CDC42BPB: variants seen among roughly 807,000 people sequenced by gnomAD.
The protein encoded by CDC42BPB is serine/threonine-protein kinase MRCK beta.
CDC42BPB carries 37 observed loss-of-function variants against 214.9 expected under a neutral mutation model. The observed-to-expected ratio is 0.17, with a 90% confidence interval of 0.13 to 0.23. The LOEUF (loss-of-function observed/expected upper bound fraction) is 0.23. Ranked by LOEUF, CDC42BPB falls within the 10% of genes least tolerant of loss-of-function variation. The pLI, the probability that CDC42BPB is intolerant of heterozygous loss-of-function variation, is 1.00. For synonymous variants in CDC42BPB, 931 were observed against 884.0 expected (o/e 1.05, Z -0.94); for missense variants, 1,694 against 2,227.0 (o/e 0.76, Z 4.82).
At position 103,057,180 on chromosome 14, in the gene CDC42BPB, G is replaced by T; in HGVS notation, c.-7C>A. The T allele has an allele frequency of 1.4e-6, 2 of 1,408,312 alleles. No individual in the cohort carries two copies. The highest frequency in any genetic ancestry group is 3.0e-5 in the African/African-American group (2 of 67,254). The allele number at this position is 1,408,312 out of a possible 1,614,324, so 87.2% of individuals were successfully genotyped here. ...GCCGCACCTTGGCCGACATGGTGCCGCGCGGCCCGCTCCCGACGCGCCGGC... is the reference window on the plus strand; with the variant it reads ...GCCGCACCTTGGCCGACATGGTGCCTCGCGGCCCGCTCCCGACGCGCCGGC... On this transcript the variant is annotated 5_prime_UTR_variant, in exon 1 of 37. Transcript: ENST00000361246.
intron 1 of CDC42BPB, among the ~76,000 whole-genome samples, chr14:103,029,189 T>C (rs1467590142): frequency 1.3e-5 from 2 of 152,236 alleles, no homozygotes; most frequent in African/African-American, 4.8e-5. Flanking sequence ...TAAGTATGTC[T>C]CTGGAAGAAA....
At chr14:102,953,769 G>C (rs982454564) in intron 23 of CDC42BPB, among the ~76,000 whole-genome samples, 3 of 152,210 alleles carry the variant, frequency 2.0e-5, no homozygotes, top group Non-Finnish European at 4.4e-5. Flanking sequence ...GCTCAGAACC[G>C]CACATGCACT....
rs1232175824 is a variant in CDC42BPB at position 103,025,588 on chromosome 14, C to T, written c.176-13400G>A. Reference sequence around the variant, plus strand: ...ATCCCAGCACTTTGGGAAGCCGAGGCGGGTGGATCACCTGAGGTCAGACGT... The same window carrying T: ...ATCCCAGCACTTTGGGAAGCCGAGGTGGGTGGATCACCTGAGGTCAGACGT... On this transcript the variant is annotated intron_variant, in intron 1 of 36. Coordinates refer to ENST00000361246, the MANE Select transcript of CDC42BPB (RefSeq NM_006035.4). Among the ~76,000 whole-genome samples, 7 of 151,202 alleles carry T rather than the reference C, an allele frequency of 4.6e-5. No individual in the cohort carries two copies. In the South Asian group the frequency reaches 6.3e-4, roughly 14 times the overall value.
At chr14:102,984,197 C>T (rs1894132556) in intron 6 of CDC42BPB, among the ~76,000 whole-genome samples, 1 of 152,190 alleles carries the variant, frequency 6.6e-6, no homozygotes, top group African/African-American at 2.4e-5. Context: ...CTCTCCAATC[C>T]CCCAGGGTTG....
chr14:102,959,654 G>A lies in CDC42BPB; in HGVS notation c.2878C>T (p.Leu960Phe), dbSNP rs1040234745. Reference sequence around the variant, plus strand: ...ACTCTAAATGTCAGGTCATGTGCAAGAGGAGCAGTGTTGAAATACTCAAAA... The same window carrying A: ...ACTCTAAATGTCAGGTCATGTGCAAAAGGAGCAGTGTTGAAATACTCAAAA... ...SIFEYFNTAPLAHDLTFRTSS... is the reference protein window; with the variant it reads ...SIFEYFNTAPFAHDLTFRTSS... The change falls in exon 21 of 37, where the codon CTT becomes TTT. Residue 960 changes from leucine to phenylalanine, a missense_variant. This residue lies in a region of CDC42BPB where 156 missense variants were observed against 154.5 expected (regional missense o/e 1.01). Coordinates refer to ENST00000361246, the MANE Select transcript of CDC42BPB (RefSeq NM_006035.4). The A allele has an allele frequency of 1.9e-6, 3 of 1,608,726 alleles. No individual in the cohort carries two copies. The Admixed American group carries it at 5.0e-5, about 27-fold the overall frequency.
chr14:102,995,109 C>G (rs770432501), intron 5 of CDC42BPB, among the ~76,000 whole-genome samples: 1 of 151,760 alleles, frequency 6.6e-6, no homozygotes, highest in African/African-American at 2.4e-5. Context: ...AATTTGTACT[C>G]TGTTCTTATT....
chr14:103,017,895 A>G (rs1165370614), intron 1 of CDC42BPB, among the ~76,000 whole-genome samples: 2 of 152,234 alleles, frequency 1.3e-5, no homozygotes, highest in South Asian at 4.1e-4. Context: ...TGTGTTGGTT[A>G]CACCGTGGTT....
chr14:103,017,151 A>C (rs892596700), intron 1 of CDC42BPB, among the ~76,000 whole-genome samples: 1 of 152,176 alleles, frequency 6.6e-6, no homozygotes, highest in Non-Finnish European at 1.5e-5. Flanking sequence ...ACAAGACTCT[A>C]TCTCTACAAA....
Position 102,972,002 on chromosome 14 carries a change from T to C in CDC42BPB, c.1801A>G (p.Lys601Glu), listed in dbSNP as rs894014625. ...GTGGCCACCTCCATCTCCTCCTCCTTGTCTCGCAGCTGCCGGGACACCTTC... is the reference window on the plus strand; with the variant it reads ...GTGGCCACCTCCATCTCCTCCTCCTCGTCTCGCAGCTGCCGGGACACCTTC... ...KQKVSRQLRD[K>E]EEEMEVATQK... The change falls in exon 13 of 37, where the codon AAG becomes GAG. Residue 601 changes from lysine (K) to glutamate (E), a missense_variant. Coordinates refer to ENST00000361246, the MANE Select transcript of CDC42BPB (RefSeq NM_006035.4). 3.7e-6 allele frequency: 6 copies of C among 1,614,034 alleles called. No individual in the cohort carries two copies. Among genetic ancestry groups the C allele is most frequent in the South Asian group, 1.1e-5 (1 of 91,090 alleles).
chr14:103,054,580 C>T (rs1307467711), intron 1 of CDC42BPB, among the ~76,000 whole-genome samples: 2 of 152,202 alleles, frequency 1.3e-5, no homozygotes, highest in East Asian at 3.8e-4. Flanking sequence ...ACTAACTGCA[C>T]ACATGTTAAC....
Position 102,941,219 on chromosome 14 carries a change from C to T in CDC42BPB, c.4409-895G>A, listed in dbSNP as rs937035597. 4.7e-5 allele frequency: 46 copies of T among 985,444 alleles called. 1 individual carries two copies. The African/African-American group carries it at 5.2e-4, about 11-fold the overall frequency. The allele number at this position is 985,444 out of a possible 1,614,324, so 61.0% of individuals were successfully genotyped here. ...CTTGCAGAAACGCAGAGCTGGGAGGCGGCAAGCCCCAAATGCAAGAGAGCT... is the reference window on the plus strand; with the variant it reads ...CTTGCAGAAACGCAGAGCTGGGAGGTGGCAAGCCCCAAATGCAAGAGAGCT... On this transcript the variant is annotated intron_variant, in intron 30 of 36. Transcript: ENST00000361246.
chr14:103,051,019 CAA>C (rs1045548081), intron 1 of CDC42BPB, among the ~76,000 whole-genome samples: 2 of 151,918 alleles, frequency 1.3e-5, no homozygotes, highest in African/African-American at 4.8e-5. Flanking sequence ...CAGTTTTAAT[CAA>C]AAAACAATTT....
At chr14:102,955,016 C>A (rs964815098) in intron 21 of CDC42BPB, among the ~76,000 whole-genome samples, 2 of 152,204 alleles carry the variant, frequency 1.3e-5, no homozygotes, top group Non-Finnish European at 2.9e-5. Flanking sequence ...TGAGCATACC[C>A]GCCCCCTCCT....
intron 21 of CDC42BPB, among the ~76,000 whole-genome samples, chr14:102,955,945 A>T (rs1455701712): frequency 6.6e-6 from 1 of 152,256 alleles, no homozygotes; most frequent in Non-Finnish European, 1.5e-5. Context: ...CACATAAAAC[A>T]CACACACAAC....
At chr14:102,999,047 A>G (rs9671378) in intron 5 of CDC42BPB, among the ~76,000 whole-genome samples, 2 of 1,674 alleles carry the variant, frequency 1.2e-3, no homozygotes, top group East Asian at 0.031. Flanking sequence ...AGGGAGCACA[A>G]GCATTTTAGG....
At chr14:102,973,359 G>C (rs1229004487) in intron 12 of CDC42BPB, among the ~76,000 whole-genome samples, 2 of 152,232 alleles carry the variant, frequency 1.3e-5, no homozygotes, top group African/African-American at 4.8e-5. Flanking sequence ...ATGTATCAAT[G>C]AATGTATTTT....
At chr14:102,959,793 T>A (rs1192875415) in intron 20 of CDC42BPB, 83 bp from the exon 21 acceptor site, 7 of 1,459,028 alleles carry the variant, frequency 4.8e-6, no homozygotes, top group Middle Eastern at 2.2e-4. Context: ...GTCTTCAAGA[T>A]GTCAATTCTC....
chr14:103,011,928 C>G (rs35098766), intron 2 of CDC42BPB, among the ~76,000 whole-genome samples, 169 bp downstream of exon 2: 2 of 152,120 alleles, frequency 1.3e-5, no homozygotes, highest in African/African-American at 2.4e-5. Context: ...CCAGCCTGGG[C>G]AACATGGTGA....
rs1401885057 is a variant in CDC42BPB, at chr14:103,057,229, C to A, written c.-56G>T. ...GCCTCTCACCGCCGGCTCGGCCAGTCCGTCAGGGCGCGCCCTCGGGGGCTC... is the reference window on the plus strand; with the variant it reads ...GCCTCTCACCGCCGGCTCGGCCAGTACGTCAGGGCGCGCCCTCGGGGGCTC... On this transcript the variant is annotated 5_prime_UTR_variant, in exon 1 of 37. Coordinates refer to ENST00000361246, the MANE Select transcript of CDC42BPB (RefSeq NM_006035.4). 1.4e-5 allele frequency: 18 copies of A among 1,260,470 alleles called. No individual in the cohort carries two copies. Among genetic ancestry groups the A allele is most frequent in the South Asian group, 7.8e-5 (3 of 38,218 alleles). The allele number at this position is 1,260,470 out of a possible 1,614,324, so 78.1% of individuals were successfully genotyped here.
Sources: allele counts gnomAD v4.1 joint callset (sites outside exome capture counted in the v4.1 genomes callset), GRCh38; gene constraint gnomAD v4.1.1; regional missense constraint gnomAD v4.1.1; transcripts MANE v1.5; gene names NCBI Gene and HGNC (gene_info 2026-07-23, HGNC 2026-07-21).